ADAMTS2: variants seen among roughly 807,000 people sequenced by gnomAD.
ADAMTS2 encodes A disintegrin and metalloproteinase with thrombospondin motifs 2.
A neutral mutation model predicts 123.0 loss-of-function variants in ADAMTS2; 50 were observed. The observed-to-expected ratio is 0.41, with a 90% CI of 0.32 to 0.51. The LOEUF (loss-of-function observed/expected upper bound fraction) is 0.51. Among genes scored for constraint, ADAMTS2 ranks in the 20% least tolerant of loss-of-function variants. ADAMTS2 has a pLI of 0.35. For missense variants in ADAMTS2, 1,494 were observed against 1,705.2 expected, an observed-to-expected ratio of 0.88 and a Z score of 2.18; for synonymous variants, 678 against 695.4, an observed-to-expected ratio of 0.98 and a Z score of 0.39.
chr5:179,341,752 C>A (rs979533982), intron 2 of ADAMTS2, among the ~76,000 whole-genome samples: 14 of 151,612 alleles, frequency 9.2e-5, no homozygotes, highest in African/African-American at 3.4e-4. Flanking sequence ...ACCAATGGTG[C>A]TGTCCCACTG....
chr5:179,309,038 G>A lies in ADAMTS2; in HGVS notation c.534+34729C>T, dbSNP rs114130723. Reference sequence around the variant, plus strand: ...TCTCTTCCGCTGCCCTGGCAGCCCCGTGCCTCCTGACTGTGGACTGGAGTT... The same window carrying A: ...TCTCTTCCGCTGCCCTGGCAGCCCCATGCCTCCTGACTGTGGACTGGAGTT... On this transcript the variant is annotated intron_variant, in intron 2 of 21. Coordinates refer to ENST00000251582, the MANE Select transcript of ADAMTS2 (RefSeq NM_014244.5). Among the ~76,000 whole-genome samples the A allele has an allele frequency of 9.4e-3, 1,429 of 152,340 alleles. 26 individuals are homozygous for A. The highest frequency in any genetic ancestry group is 0.033 in the African/African-American group (1,375 of 41,574).
intron 3 of ADAMTS2, among the ~76,000 whole-genome samples, chr5:179,236,560 G>A (rs1300277626): frequency 6.6e-6 from 1 of 152,188 alleles, no homozygotes; most frequent in Non-Finnish European, 1.5e-5. Flanking sequence ...GAAGTCTGAG[G>A]CGGTAGGATC....
Position 179,197,139 on chromosome 5 carries a change from A to T in ADAMTS2, c.891+10374T>A, listed in dbSNP as rs894038098. Reference sequence around the variant, plus strand: ...GGTGGCCTCTGGCAGGCCTGAGAGTACGTGTTCCTGGTAGCAATAGGTTGA... The same window carrying T: ...GGTGGCCTCTGGCAGGCCTGAGAGTTCGTGTTCCTGGTAGCAATAGGTTGA... On this transcript the variant is annotated intron_variant, in intron 4 of 21. Coordinates refer to ENST00000251582, the MANE Select transcript of ADAMTS2 (RefSeq NM_014244.5). The surrounding 1 kb of genome is among the most constrained non-coding windows in gnomAD (Gnocchi z 4.2). Among the ~76,000 whole-genome samples, 6 of 152,250 alleles carry T rather than the reference A, an allele frequency of 3.9e-5. No homozygotes were observed. Among genetic ancestry groups the T allele is most frequent in the Admixed American group, 1.3e-4 (2 of 15,286 alleles).
chr5:179,283,942 GATGATTATTATTATTATTATT>G (rs1365968356), intron 2 of ADAMTS2, among the ~76,000 whole-genome samples: 4 of 138,272 alleles, frequency 2.9e-5, no homozygotes, highest in African/African-American at 5.3e-5. Context: ...TAAATGGTCA[GATGATTATTATTATTATTATT>G]ATTATTATTA....
At chr5:179,209,868 G>C (rs947361250) in intron 3 of ADAMTS2, among the ~76,000 whole-genome samples, 2 of 152,222 alleles carry the variant, frequency 1.3e-5, no homozygotes, top group Admixed American at 6.5e-5. Context: ...TTGGGAAGGA[G>C]AGTGATGGCA....
At chr5:179,269,499 C>T (rs1046223860) in intron 3 of ADAMTS2, among the ~76,000 whole-genome samples, 2 of 152,216 alleles carry the variant, frequency 1.3e-5, no homozygotes, top group East Asian at 3.9e-4. Context: ...TTTTTAAAAC[C>T]CTCAGATCTC....
chr5:179,258,798 T>A (rs1363463331), intron 3 of ADAMTS2, among the ~76,000 whole-genome samples: 1 of 152,104 alleles, frequency 6.6e-6, no homozygotes, highest in Non-Finnish European at 1.5e-5. Flanking sequence ...GGTGGGGCTG[T>A]GATCTGGGTC....
At chr5:179,274,654 C>T (rs1356053032) in intron 2 of ADAMTS2, among the ~76,000 whole-genome samples, 1 of 152,218 alleles carries the variant, frequency 6.6e-6, no homozygotes, top group Non-Finnish European at 1.5e-5. Flanking sequence ...CTCGGTGAGC[C>T]CCATCCTGTT....
At chr5:179,341,399 G>A (rs1757768860) in intron 2 of ADAMTS2, 15 of 336,040 alleles carry the variant, frequency 4.5e-5, no homozygotes, top group South Asian at 2.1e-4. Context: ...AAGAGAAAGA[G>A]GACAAGCGAA....
rs1030489571 is a variant in ADAMTS2, at chr5:179,128,924, G to T, written c.2458-806C>A. Among the ~76,000 whole-genome samples the T allele has an allele frequency of 6.6e-6, 1 of 152,116 alleles. No individual in the cohort carries two copies. Among genetic ancestry groups the T allele is most frequent in the Non-Finnish European group, 1.5e-5 (1 of 68,028 alleles). ...TCGCCCCCAAAATAGCACAAAATGT[G>T]ATGTATGTGACACTCAACAGACTGC... On this transcript the variant is annotated intron_variant, in intron 16 of 21. Coordinates refer to ENST00000251582, the MANE Select transcript of ADAMTS2 (RefSeq NM_014244.5). This position sits in a 1 kb window ranked among gnomAD's most constrained non-coding sequence, Gnocchi z 4.9.
At chr5:179,247,854 C>T (rs1302269116) in intron 3 of ADAMTS2, among the ~76,000 whole-genome samples, 1 of 152,088 alleles carries the variant, frequency 6.6e-6, no homozygotes. Flanking sequence ...TTCTAGTTGA[C>T]CTGCCCTCCA....
At chr5:179,173,575 T>C (rs1763869652) in intron 5 of ADAMTS2, among the ~76,000 whole-genome samples, 1 of 152,242 alleles carries the variant, frequency 6.6e-6, no homozygotes, top group African/African-American at 2.4e-5. Flanking sequence ...ATATAGGTTG[T>C]TTGCTGTTGT....
At chr5:179,219,303 C>T (rs1765071963) in intron 3 of ADAMTS2, among the ~76,000 whole-genome samples, 1 of 152,236 alleles carries the variant, frequency 6.6e-6, no homozygotes, top group Non-Finnish European at 1.5e-5. Context: ...GAAGGTGATG[C>T]ACCCCTGGAC....
intron 4 of ADAMTS2, 42 bp downstream of exon 4, chr5:179,207,471 A>ACCCAGCCCCCCC: frequency 5.8e-6 from 6 of 1,026,472 alleles, no homozygotes; most frequent in East Asian, 2.5e-5. Context: ...CCCCTGGTTG[A>ACCCAGCCCCCCC]CCCTCCCCGC....
intron 5 of ADAMTS2, among the ~76,000 whole-genome samples, chr5:179,161,510 T>G (rs1453034715): frequency 6.6e-6 from 1 of 152,048 alleles, no homozygotes; most frequent in Non-Finnish European, 1.5e-5. Context: ...GTCACAGAAA[T>G]AGAGAGTAGT....
intron 4 of ADAMTS2, 43 bp downstream of exon 4, chr5:179,207,470 G>GTCCCGGCCC: frequency 1.5e-6 from 2 of 1,323,550 alleles, no homozygotes; most frequent in Non-Finnish European, 2.2e-6. Flanking sequence ...GCCCCTGGTT[G>GTCCCGGCCC]ACCCTCCCCG....
rs374077657 is a variant in ADAMTS2 at position 179,177,793 on chromosome 5, G to T, written c.975+3279C>A. Among the ~76,000 whole-genome samples, 60 of 152,292 alleles carry T rather than the reference G, an allele frequency of 3.9e-4. No individual in the cohort carries two copies. The South Asian group carries it at 0.012, about 29-fold the overall frequency. ...GAAAAAGAAAAAGAAAAGGCTTAGG[G>T]TCGGGATAATTTAGCATAGAGCCTG... On this transcript the variant is annotated intron_variant, in intron 5 of 21. Coordinates refer to ENST00000251582, the MANE Select transcript of ADAMTS2 (RefSeq NM_014244.5).
chr5:179,265,110 G>C (rs925384605), intron 3 of ADAMTS2, among the ~76,000 whole-genome samples: 1 of 152,166 alleles, frequency 6.6e-6, no homozygotes, highest in African/African-American at 2.4e-5. Flanking sequence ...AAGCATCTGT[G>C]GGAGCAGCCC....
chr5:179,231,560 C>T (rs753450916), intron 3 of ADAMTS2, among the ~76,000 whole-genome samples: 1 of 152,160 alleles, frequency 6.6e-6, no homozygotes, highest in African/African-American at 2.4e-5. Context: ...CTACAGTCGC[C>T]TACCATGGCG....
Sources: allele counts gnomAD v4.1 joint callset (sites outside exome capture counted in the v4.1 genomes callset), GRCh38; gene constraint gnomAD v4.1.1; non-coding constraint Gnocchi (gnomAD v3.1); transcripts MANE v1.5; gene names NCBI Gene and HGNC (gene_info 2026-07-23, HGNC 2026-07-21).